The following FBXL13 variants were observed in gnomAD, a reference collection of about 807,000 sequenced individuals.
The protein encoded by FBXL13 is F-box and leucine-rich repeat protein 13.
FBXL13 carries 67 observed loss-of-function variants against 83.6 expected under a neutral mutation model. The observed-to-expected ratio is 0.80, with a 90% CI of 0.66 to 0.98. The LOEUF is 0.98. Among genes scored for constraint, FBXL13 ranks in the 50% least tolerant of loss-of-function variants. The pLI, the probability that FBXL13 is intolerant of heterozygous loss-of-function variation, is 0.00. For synonymous variants in FBXL13, 272 were observed against 299.5 expected (o/e 0.91, Z 0.95); for missense variants, 822 against 866.5 (o/e 0.95, Z 0.64).
intron 2 of FBXL13, chr7:103,031,367 G>C (rs536000344): frequency 2.5e-4 from 38 of 152,342 alleles, no homozygotes; most frequent in African/African-American, 9.1e-4. Context: ...CCAGCTGGCA[G>C]TGTTTTGCAC....
intron 16 of FBXL13, among the ~76,000 whole-genome samples, chr7:102,868,602 G>A (rs1038435380): frequency 1.3e-5 from 2 of 152,156 alleles, no homozygotes; most frequent in Admixed American, 6.5e-5. Flanking sequence ...TGGCTGCAGT[G>A]CACACGGGAG....
chr7:102,835,911 G>A (rs80299235), intron 17 of FBXL13, among the ~76,000 whole-genome samples: 7,742 of 152,262 alleles, frequency 0.051, 274 homozygotes, highest in South Asian at 0.13. Context: ...GCCCGGCCCC[G>A]ACATTGTTTT....
intron 6 of FBXL13, among the ~76,000 whole-genome samples, chr7:103,005,665 C>T (rs1327247027): frequency 1.3e-5 from 2 of 152,142 alleles, no homozygotes; most frequent in Non-Finnish European, 2.9e-5. Flanking sequence ...GTGTTTCTTT[C>T]TCTTCTTAAA....
chr7:103,060,056 ATATATATAC>A lies in FBXL13; in HGVS notation c.-104-4318_-104-4310del, dbSNP rs1351301798. On this transcript the variant is annotated intron_variant, in intron 1 of 19. Transcript: ENST00000313221. ...TATATATATATATATATATATATAT[ATATATATAC>A]TTTTTTTTTTTTTTGAGACAAGGTC... Among the ~76,000 whole-genome samples, 21 of 110,720 alleles carry A rather than the reference ATATATATAC, an allele frequency of 1.9e-4. No individual in the cohort carries two copies. In the South Asian group the frequency reaches 2.9e-3, roughly 15 times the overall value. The allele number at this position is 110,720 out of a possible 152,430, so 72.6% of individuals were successfully genotyped here. A position where few individuals can be genotyped will look rare whatever the true frequency, so the allele number is the denominator to read the frequency against.
At chr7:103,025,138 A>C in exon 6 of FBXL13, 1 of 1,612,666 alleles carries the variant, frequency 6.2e-7, no homozygotes, top group Non-Finnish European at 8.5e-7. Context: ...CTTCAGAAGA[A>C]CTTCGTTCAG....
At chr7:102,843,619 A>C (rs569205639) in intron 17 of FBXL13, among the ~76,000 whole-genome samples, 1 of 152,134 alleles carries the variant, frequency 6.6e-6, no homozygotes, top group South Asian at 2.1e-4. Flanking sequence ...TACGAAAAAT[A>C]CAAAAAATTA....
intron 10 of FBXL13, among the ~76,000 whole-genome samples, chr7:102,925,439 G>A (rs528746649): frequency 1.3e-5 from 2 of 152,180 alleles, no homozygotes; most frequent in South Asian, 4.1e-4. Context: ...TGAATATTCT[G>A]TCAATTCTTT....
intron 2 of FBXL13, among the ~76,000 whole-genome samples, chr7:103,052,906 G>A (rs1796970534): frequency 1.3e-5 from 2 of 151,762 alleles, no homozygotes; most frequent in Admixed American, 1.3e-4. Flanking sequence ...ACAGGCACCC[G>A]CCACCACGCC....
chr7:103,066,851 G>T (rs1336166081), intron 1 of FBXL13, among the ~76,000 whole-genome samples: 2 of 150,918 alleles, frequency 1.3e-5, no homozygotes, highest in African/African-American at 4.9e-5. Context: ...GAGTGCAATG[G>T]CGTGATCGCA....
At chr7:102,849,581 G>A (rs1248072295) in intron 17 of FBXL13, among the ~76,000 whole-genome samples, 1 of 152,130 alleles carries the variant, frequency 6.6e-6, no homozygotes, top group Non-Finnish European at 1.5e-5. Context: ...TTTATAAAGT[G>A]CAGATAATCT....
chr7:102,927,022 A>AT (rs1199436242), intron 9 of FBXL13, among the ~76,000 whole-genome samples: 1 of 152,194 alleles, frequency 6.6e-6, no homozygotes, highest in Non-Finnish European at 1.5e-5. Flanking sequence ...AGATTCAAGC[A>AT]TCCTTCCCCC....
chr7:102,839,742 G>A (rs1802605209), intron 17 of FBXL13, among the ~76,000 whole-genome samples: 1 of 151,960 alleles, frequency 6.6e-6, no homozygotes, highest in South Asian at 2.1e-4. Flanking sequence ...CACTGTGCCT[G>A]GCATAGTAAA....
In FBXL13 at chr7:102,899,858, T is replaced by C. The variant is rs149766261; in HGVS notation, c.1008+13228A>G. 6.7e-3 allele frequency among the ~76,000 whole-genome samples: 1,013 copies of C among 152,030 alleles called. 6 individuals are homozygous for C. The highest frequency in any genetic ancestry group is 0.011 in the Admixed American group (170 of 15,268). ...GGAGGACGAGGTGGGCAACCTGAGG[T>C]TGGGAATTCGAGACTGGCCTGGCCA... On this transcript the variant is annotated intron_variant, in intron 11 of 19. Coordinates refer to ENST00000313221, the Ensembl canonical transcript of FBXL13.
chr7:102,928,486 GA>G (rs1818545362), intron 9 of FBXL13, among the ~76,000 whole-genome samples: 1 of 152,120 alleles, frequency 6.6e-6, no homozygotes, highest in Non-Finnish European at 1.5e-5. Context: ...GTCTCAAAGG[GA>G]AAAACAATAG....
rs71572208 is a variant in FBXL13 at position 102,935,252 on chromosome 7, T to C, written c.725-3319A>G. Among the ~76,000 whole-genome samples the C allele has an allele frequency of 2.3e-3, 297 of 126,470 alleles. 2 individuals carry two copies. The highest frequency in any genetic ancestry group is 4.2e-3 in the Non-Finnish European group (252 of 59,684). The allele number at this position is 126,470 out of a possible 152,430, so 83.0% of individuals were successfully genotyped here. A position where few individuals can be genotyped will look rare whatever the true frequency, so the allele number is the denominator to read the frequency against. On this transcript the variant is annotated intron_variant, in intron 8 of 19. Coordinates refer to ENST00000313221, the Ensembl canonical transcript of FBXL13. The stretch of plus-strand genomic sequence containing the variant: ...TTTTTTTTTTTCTTTCTTTTTTTTT[T>C]TTTTTTTTTTTTTTTTTGAGATGGA...
At chr7:102,893,962 G>A (rs1811900581) in intron 11 of FBXL13, among the ~76,000 whole-genome samples, 1 of 135,794 alleles carries the variant, frequency 7.4e-6, no homozygotes, top group Non-Finnish European at 1.5e-5. Context: ...AAGAAAGAAA[G>A]AGAGAAAGAA....
chr7:102,894,999 A>G (rs1413707371), intron 11 of FBXL13, among the ~76,000 whole-genome samples: 2 of 152,180 alleles, frequency 1.3e-5, no homozygotes, highest in Non-Finnish European at 2.9e-5. Context: ...AAGTCCTACT[A>G]TGAGCCAGGT....
chr7:102,974,110 G>A (rs527240770), intron 6 of FBXL13, among the ~76,000 whole-genome samples: 1 of 152,120 alleles, frequency 6.6e-6, no homozygotes, highest in Non-Finnish European at 1.5e-5. Flanking sequence ...TGTAAACCTG[G>A]CCAGGTGCGG....
At chr7:102,902,048 C>T (rs1424209926) in intron 11 of FBXL13, among the ~76,000 whole-genome samples, 1 of 152,172 alleles carries the variant, frequency 6.6e-6, no homozygotes, top group Non-Finnish European at 1.5e-5. Flanking sequence ...TACATTCCCA[C>T]CAGCAGTGTA....
Sources: allele counts gnomAD v4.1 joint callset (sites outside exome capture counted in the v4.1 genomes callset), GRCh38; gene constraint gnomAD v4.1.1; transcripts MANE v1.5; gene names NCBI Gene and HGNC (gene_info 2026-07-23, HGNC 2026-07-21).